USP48: variants seen among roughly 807,000 people sequenced by gnomAD.
USP48 encodes ubiquitin carboxyl-terminal hydrolase 48.
Under a neutral mutation model 150.7 loss-of-function variants are expected in USP48, and 43 were observed. That is an observed-to-expected ratio of 0.29 (90% CI 0.22 to 0.37). The LOEUF is 0.37. USP48 is among the 10% of genes least tolerant of loss of function. The pLI, the probability that USP48 is intolerant of heterozygous loss-of-function variation, is 1.00. For synonymous variants in USP48, 396 were observed against 425.9 expected (o/e 0.93, Z 0.86); for missense variants, 813 against 1,249.6 (o/e 0.65, Z 5.27).
In USP48 at chr1:21,724,041, G is replaced by A. The variant is rs750145259; in HGVS notation, c.1505C>T (p.Thr502Ile). The change falls in exon 12 of 27, where the codon ACA (threonine) becomes ATA (isoleucine). Residue 502 changes from threonine to isoleucine, a missense_variant. Physicochemically the swap from Thr to Ile is moderately conservative, Grantham distance 89. Transcript: ENST00000308271. ...GTGATTATCAATAGGTTTGGTAGGT[G>A]TTGATTCATCCAACCACTTTTGCAG... Reference protein sequence around the residue: ...EWLQKWLDESTPTKPIDNHAC... With the variant: ...EWLQKWLDESIPTKPIDNHAC... 6.2e-7 allele frequency: 1 copy of A among 1,614,202 alleles called. No homozygotes were observed. Among genetic ancestry groups the A allele is most frequent in the South Asian group, 1.1e-5 (1 of 91,086 alleles).
At chr1:21,706,094 A>C in intron 18 of USP48, 32 bp downstream of exon 18, 1 of 1,604,998 alleles carries the variant, frequency 6.2e-7, no homozygotes, top group Non-Finnish European at 8.5e-7. Context: ...AATCAGTAAC[A>C]ATAAAGGAAA....
At chr1:21,701,463 A>C (rs771438647) in intron 22 of USP48, 35 bp downstream of exon 22, 98 of 1,582,764 alleles carry the variant, frequency 6.2e-5, no homozygotes, top group Non-Finnish European at 8.4e-5. Context: ...AGAACAGCAG[A>C]AAGTATAACA....
At chr1:21,713,449 G>A (rs1159850912) in intron 15 of USP48, among the ~76,000 whole-genome samples, 1 of 152,142 alleles carries the variant, frequency 6.6e-6, no homozygotes, top group Non-Finnish European at 1.5e-5. Context: ...AGTGGAGTAT[G>A]TGTCCTGAAG....
chr1:21,772,164 C>T (rs1184422500), intron 1 of USP48, among the ~76,000 whole-genome samples: 1 of 152,046 alleles, frequency 6.6e-6, no homozygotes, highest in African/African-American at 2.4e-5. Flanking sequence ...TAAAACACAA[C>T]ATGAGTGAAT....
intron 9 of USP48, 142 bp downstream of exon 9, chr1:21,736,304 G>T: frequency 1.2e-6 from 1 of 852,716 alleles, no homozygotes; most frequent in Non-Finnish European, 1.7e-6. Context: ...AAGATGTTCA[G>T]TGATTTTACA....
chr1:21,695,094 T>A lies in USP48; in HGVS notation c.2855A>T (p.Asn952Ile). ...AATTTTCAATTCTTTTAACGTCTGA[T>A]TAGCAGAAACGAGAAGTGCTTTCTC... ...RGEKALLVSA[N>I]QTLKELKIQI... The change falls in exon 23 of 27, where the codon AAT (asparagine) becomes ATT (isoleucine). Residue 952 changes from asparagine (N) to isoleucine (I), a missense_variant. Coordinates refer to ENST00000308271, the MANE Select transcript of USP48 (RefSeq NM_032236.8). The A allele has an allele frequency of 6.2e-7, 1 of 1,613,190 alleles. No homozygotes were observed. Among genetic ancestry groups the A allele is most frequent in the Non-Finnish European group, 8.5e-7 (1 of 1,179,806 alleles).
chr1:21,741,666 A>C (rs1436429021), intron 8 of USP48, among the ~76,000 whole-genome samples: 2 of 152,216 alleles, frequency 1.3e-5, no homozygotes, highest in Non-Finnish European at 2.9e-5. Context: ...TTTTTAAAAA[A>C]GGTAGAACTA....
intron 25 of USP48, among the ~76,000 whole-genome samples, chr1:21,684,207 A>G (rs1342108874): frequency 6.6e-6 from 1 of 152,186 alleles, no homozygotes; most frequent in East Asian, 1.9e-4. Flanking sequence ...AGAAACTTCC[A>G]TACTGTTTTC....
chr1:21,698,844 G>A (rs946360475), intron 22 of USP48, among the ~76,000 whole-genome samples: 5 of 151,892 alleles, frequency 3.3e-5, no homozygotes, highest in Admixed American at 1.3e-4. Context: ...GCAGTGAGCC[G>A]AGATGGCACC....
intron 1 of USP48, among the ~76,000 whole-genome samples, chr1:21,766,391 T>C (rs2097862326): frequency 6.6e-6 from 1 of 151,928 alleles, no homozygotes; most frequent in Non-Finnish European, 1.5e-5. Flanking sequence ...AGTCAAAAAT[T>C]GTGTTCAGGG....
At chr1:21,754,557 GC>G (rs2097826567) in intron 3 of USP48, among the ~76,000 whole-genome samples, 1 of 152,136 alleles carries the variant, frequency 6.6e-6, no homozygotes, top group Non-Finnish European at 1.5e-5. Context: ...GATGGGCTCT[GC>G]AAATACTTCT....
chr1:21,701,300 A>G (rs1197712933), intron 22 of USP48, among the ~76,000 whole-genome samples, 198 bp downstream of exon 22: 1 of 150,478 alleles, frequency 6.6e-6, no homozygotes, highest in Non-Finnish European at 1.5e-5. Context: ...CAGGAGGCGG[A>G]CATTGTGGTG....
At chr1:21,687,807 C>T (rs985649034) in intron 24 of USP48, among the ~76,000 whole-genome samples, 1 of 152,180 alleles carries the variant, frequency 6.6e-6, no homozygotes, top group Non-Finnish European at 1.5e-5. Context: ...AACCGTTCAA[C>T]AATACAGGCT....
intron 25 of USP48, 52 bp downstream of exon 25, chr1:21,687,139 C>G: frequency 1.3e-6 from 2 of 1,564,172 alleles, no homozygotes; most frequent in Non-Finnish European, 8.8e-7. Context: ...TCTAAAATCC[C>G]ACCTCCGTCT....
chr1:21,723,176 C>T (rs1277654308), intron 12 of USP48, among the ~76,000 whole-genome samples: 1 of 152,076 alleles, frequency 6.6e-6, no homozygotes, highest in Non-Finnish European at 1.5e-5. Flanking sequence ...AATCAAGTAG[C>T]TTCCATTCAT....
chr1:21,746,692 C>T (rs529529843), intron 8 of USP48, among the ~76,000 whole-genome samples: 10 of 152,102 alleles, frequency 6.6e-5, no homozygotes, highest in South Asian at 2.1e-4. Context: ...TCTGGGACAA[C>T]GTTTTTAAAA....
intron 8 of USP48, among the ~76,000 whole-genome samples, chr1:21,746,238 G>A (rs2097794209): frequency 6.6e-6 from 1 of 152,016 alleles, no homozygotes; most frequent in African/African-American, 2.4e-5. Context: ...AGTGGCTCAC[G>A]CCTGTAATCC....
intron 22 of USP48, among the ~76,000 whole-genome samples, chr1:21,696,613 T>C (rs2097632461): frequency 6.6e-6 from 1 of 152,208 alleles, no homozygotes; most frequent in African/African-American, 2.4e-5. Flanking sequence ...GAGTTTTCGT[T>C]AGTTTTCTTA....
chr1:21,774,695 A>G (rs1413169173), intron 1 of USP48, among the ~76,000 whole-genome samples: 1 of 151,738 alleles, frequency 6.6e-6, no homozygotes, highest in African/African-American at 2.4e-5. Context: ...CAAAACAAAC[A>G]AACGAAAAAA....
Sources: allele counts gnomAD v4.1 joint callset (sites outside exome capture counted in the v4.1 genomes callset), GRCh38; gene constraint gnomAD v4.1.1; transcripts MANE v1.5; gene names NCBI Gene and HGNC (gene_info 2026-07-23, HGNC 2026-07-21).